Variants in ADGRV1 observed in about 807,000 individuals in gnomAD.
The protein encoded by ADGRV1 is adhesion G protein-coupled receptor V1.
In ADGRV1, 359 loss-of-function variants were observed where a neutral mutation model predicts 596.2. The ratio of observed to expected loss-of-function variants is 0.60; its 90% CI spans 0.55 to 0.66. The LOEUF (loss-of-function observed/expected upper bound fraction) is 0.66. Ranked by LOEUF, ADGRV1 falls within the 30% of genes least tolerant of loss-of-function variation. ADGRV1 has a pLI of 0.00. For synonymous variants in ADGRV1, 2,681 were observed against 2,679.2 expected, an observed-to-expected ratio of 1.00 and a Z score of -0.02; for missense variants, 7,274 against 7,575.6, an observed-to-expected ratio of 0.96 and a Z score of 1.48.
Position 90,704,149 on chromosome 5 carries a change from A to G in ADGRV1, c.8287-240A>G, listed in dbSNP as rs189736008. Among the ~76,000 whole-genome samples the G allele has an allele frequency of 4.5e-4, 69 of 152,286 alleles. 1 individual carries two copies. In the East Asian group the frequency reaches 0.012, roughly 26 times the overall value. ...ATTTCCAATAGTGTTACATTGCTCA[A>G]TAAATAAGATTTATGTTCATTAGCT... On this transcript the variant is annotated intron_variant, in intron 35 of 89. Coordinates refer to ENST00000405460, the MANE Select transcript of ADGRV1 (RefSeq NM_032119.4).
intron 79 of ADGRV1, among the ~76,000 whole-genome samples, chr5:90,851,392 G>A (rs568932137): frequency 6.6e-6 from 1 of 152,180 alleles, no homozygotes; most frequent in Admixed American, 6.6e-5. Flanking sequence ...AAATAAGAGA[G>A]AGATCAAGAC....
At chr5:90,792,393 C>G (rs1184993255) in intron 70 of ADGRV1, 6 of 152,316 alleles carry the variant, frequency 3.9e-5, no homozygotes. Flanking sequence ...TCCATACTTA[C>G]AGTGCTACCT....
chr5:90,834,458 C>T (rs1026946738), intron 77 of ADGRV1, among the ~76,000 whole-genome samples: 4 of 152,110 alleles, frequency 2.6e-5, no homozygotes, highest in African/African-American at 9.7e-5. Flanking sequence ...ACATGTCATG[C>T]TACACTCTCC....
At chr5:91,061,481 G>A (rs2151355486) in intron 85 of ADGRV1, among the ~76,000 whole-genome samples, 1 of 152,236 alleles carries the variant, frequency 6.6e-6, no homozygotes, top group African/African-American at 2.4e-5. Context: ...AGGGATGTGG[G>A]CAATTCTTCC....
intron 27 of ADGRV1, among the ~76,000 whole-genome samples, chr5:90,682,189 G>A (rs1745038657): frequency 6.6e-6 from 1 of 151,972 alleles, no homozygotes; most frequent in African/African-American, 2.4e-5. Context: ...AGTTAGCAAG[G>A]GGCTCTGATT....
chr5:90,886,523 C>G (rs1395634936), intron 83 of ADGRV1, among the ~76,000 whole-genome samples: 1 of 152,186 alleles, frequency 6.6e-6, no homozygotes, highest in Non-Finnish European at 1.5e-5. Flanking sequence ...ACTCCATACT[C>G]TCTCGATAAA....
chr5:90,609,605 G>C (rs1163442093), intron 1 of ADGRV1, among the ~76,000 whole-genome samples: 1 of 151,830 alleles, frequency 6.6e-6, no homozygotes, highest in Non-Finnish European at 1.5e-5. Context: ...GAATGATGAA[G>C]CTTCTCTTGT....
At chr5:90,662,228 C>T (rs562619954) in intron 21 of ADGRV1, among the ~76,000 whole-genome samples, 54 of 125,032 alleles carry the variant, frequency 4.3e-4, no homozygotes, top group African/African-American at 1.5e-3. Flanking sequence ...CACGCTCTGT[C>T]GCCCACCCAG....
intron 67 of ADGRV1, among the ~76,000 whole-genome samples, chr5:90,787,324 T>C (rs1342239134): frequency 6.6e-6 from 1 of 152,212 alleles, no homozygotes. Context: ...ACACTAGGAA[T>C]ATAAGTAGAT....
At chr5:90,754,946 G>T (rs368830767) in intron 54 of ADGRV1, 37 bp from the exon 55 acceptor site, 7 of 1,450,978 alleles carry the variant, frequency 4.8e-6, no homozygotes, top group Non-Finnish European at 5.8e-6. Context: ...ACAGCAAATA[G>T]AAAAGACTAT....
At chr5:90,851,124 TGTGTGTGTGTGA>T (rs1766451545) in intron 79 of ADGRV1, among the ~76,000 whole-genome samples, 1 of 98,496 alleles carries the variant, frequency 1.0e-5, no homozygotes, top group South Asian at 3.8e-4. Context: ...TGTGTGTGTG[TGTGTGTGTGTGA>T]GAGAGAGAGA....
rs559029979 is a variant in ADGRV1, at chr5:90,773,480, A to G, written c.12286-706A>G. 1.1e-3 allele frequency among the ~76,000 whole-genome samples: 167 copies of G among 152,316 alleles called. 1 individual carries two copies. Among genetic ancestry groups the G allele is most frequent in the African/African-American group, 3.9e-3 (161 of 41,584 alleles). ...TTAACATTCTTATGAGTTACCAGTA[A>G]TGAGAAACAATGTACTATGAGAAAG... On this transcript the variant is annotated intron_variant, in intron 59 of 89. Coordinates refer to ENST00000405460, the MANE Select transcript of ADGRV1 (RefSeq NM_032119.4).
At position 90,790,854 on chromosome 5, in the gene ADGRV1, T is replaced by C; in HGVS notation, c.14044-19T>C. On this transcript the variant is annotated intron_variant, in intron 69 of 89. Coordinates refer to ENST00000405460, the MANE Select transcript of ADGRV1 (RefSeq NM_032119.4). Reference sequence around the variant, plus strand: ...TACTGAATTATATAACTTTGTTGAGTTTTTTTCTTTTATTTTAGGTTTACT... The same window carrying C: ...TACTGAATTATATAACTTTGTTGAGCTTTTTTCTTTTATTTTAGGTTTACT... The C allele has an allele frequency of 6.5e-7, 1 of 1,527,706 alleles. No individual in the cohort carries two copies. The highest frequency in any genetic ancestry group is 8.9e-7 in the Non-Finnish European group (1 of 1,125,942). 94.6% of individuals were successfully genotyped at this position (1,527,706 alleles called of 1,614,324 possible).
intron 1 of ADGRV1, among the ~76,000 whole-genome samples, chr5:90,610,452 C>G (rs1762603792): frequency 1.3e-5 from 2 of 151,950 alleles, no homozygotes; most frequent in Non-Finnish European, 2.9e-5. Context: ...ATATGGTACA[C>G]TCTTGTCCTG....
At chr5:90,610,019 T>G (rs1263367275) in intron 1 of ADGRV1, among the ~76,000 whole-genome samples, 1 of 152,040 alleles carries the variant, frequency 6.6e-6, no homozygotes, top group Non-Finnish European at 1.5e-5. Flanking sequence ...TTCTCATTTA[T>G]TTTACTCTCT....
intron 83 of ADGRV1, among the ~76,000 whole-genome samples, chr5:90,933,935 C>T (rs1581563612): frequency 6.6e-6 from 1 of 152,158 alleles, no homozygotes; most frequent in African/African-American, 2.4e-5. Context: ...CCTTTGGGGA[C>T]TCTTGTAACA....
intron 67 of ADGRV1, among the ~76,000 whole-genome samples, chr5:90,785,269 G>A (rs1276265806): frequency 1.3e-5 from 2 of 152,214 alleles, no homozygotes; most frequent in Non-Finnish European, 2.9e-5. Context: ...ATGGATTAAA[G>A]ACTTAAATGT....
At chr5:90,774,473 A>G (rs998189065) in intron 60 of ADGRV1, among the ~76,000 whole-genome samples, 170 bp downstream of exon 60, 1 of 152,240 alleles carries the variant, frequency 6.6e-6, no homozygotes, top group Non-Finnish European at 1.5e-5. Context: ...AATTAAAATT[A>G]TAATACCCAA....
intron 83 of ADGRV1, among the ~76,000 whole-genome samples, chr5:90,932,819 CACAT>C (rs1230857825): frequency 1.3e-5 from 2 of 151,132 alleles, no homozygotes; most frequent in Non-Finnish European, 2.9e-5. Flanking sequence ...TGTATACATA[CACAT>C]AGTATACACA....
Sources: gnomAD v4.1 joint callset for allele counts (sites outside exome capture counted in the v4.1 genomes callset) on GRCh38, gnomAD v4.1.1 for gene constraint, MANE v1.5 for transcripts, NCBI Gene and HGNC (gene_info 2026-07-23, HGNC 2026-07-21) for gene names.